RIT2: variants seen among roughly 807,000 people sequenced by gnomAD.
The protein encoded by RIT2 is GTP-binding protein Rit2.
RIT2 carries 24 observed loss-of-function variants against 23.7 expected under a neutral mutation model. The ratio of observed to expected loss-of-function variants is 1.01; its 90% CI spans 0.73 to 1.43. The LOEUF is 1.43. Among genes scored for constraint, RIT2 ranks in the 40% most tolerant of loss-of-function variants. RIT2 has a pLI of 0.00. For synonymous variants in RIT2, 107 were observed against 91.1 expected (o/e 1.17, Z -0.99); for missense variants, 236 against 266.9 (o/e 0.88, Z 0.81).
chr18:42,874,982 T>G (rs1203427522), intron 4 of RIT2, among the ~76,000 whole-genome samples: 1 of 152,080 alleles, frequency 6.6e-6, no homozygotes, highest in African/African-American at 2.4e-5. Flanking sequence ...GGTTTAAAGT[T>G]TATTTACATA....
chr18:43,056,783 A>T (rs918476663), intron 1 of RIT2, among the ~76,000 whole-genome samples: 3 of 152,108 alleles, frequency 2.0e-5, no homozygotes, highest in African/African-American at 7.2e-5. Flanking sequence ...ACAGTCAAGC[A>T]TTTCCTGGGC....
intron 4 of RIT2, among the ~76,000 whole-genome samples, chr18:42,890,258 C>T (rs972320484): frequency 6.6e-6 from 1 of 151,840 alleles, no homozygotes; most frequent in African/African-American, 2.4e-5. Context: ...GGACTATTCC[C>T]TATCATCATC....
At chr18:42,915,149 T>TACAC (rs1379501119) in intron 4 of RIT2, among the ~76,000 whole-genome samples, 1 of 81,930 alleles carries the variant, frequency 1.2e-5, no homozygotes. Context: ...TACATATAAT[T>TACAC]ATACACACAC....
At chr18:42,930,726 A>T in intron 3 of RIT2, among the ~76,000 whole-genome samples, 1 of 152,112 alleles carries the variant, frequency 6.6e-6, no homozygotes, top group East Asian at 1.9e-4. Flanking sequence ...AACCATCCAT[A>T]GATAACTGGA....
chr18:42,851,609 T>C (rs1907055778), intron 4 of RIT2, among the ~76,000 whole-genome samples: 1 of 152,162 alleles, frequency 6.6e-6, no homozygotes, highest in Admixed American at 6.5e-5. Flanking sequence ...CCCAGGACTT[T>C]GGGAGGTCGA....
At chr18:42,960,156 T>C (rs1310589867) in intron 3 of RIT2, among the ~76,000 whole-genome samples, 1 of 152,186 alleles carries the variant, frequency 6.6e-6, no homozygotes, top group Non-Finnish European at 1.5e-5. Context: ...CTCGGCATCA[T>C]CTTAGAAGAG....
chr18:43,110,190 CA>C (rs1278279206), intron 1 of RIT2, among the ~76,000 whole-genome samples: 2 of 151,834 alleles, frequency 1.3e-5, no homozygotes, highest in Non-Finnish European at 2.9e-5. Flanking sequence ...AATCTTAAAA[CA>C]TTATCATTAT....
At chr18:42,993,575 A>C (rs1456212133) in intron 2 of RIT2, among the ~76,000 whole-genome samples, 2 of 152,266 alleles carry the variant, frequency 1.3e-5, no homozygotes, top group South Asian at 4.1e-4. Context: ...TCTGGTGCCA[A>C]CTTAGACAAT....
chr18:42,820,833 G>A (rs1460407177), intron 4 of RIT2, among the ~76,000 whole-genome samples: 1 of 152,134 alleles, frequency 6.6e-6, no homozygotes, highest in Admixed American at 6.6e-5. Context: ...TAGTTTGGGT[G>A]TATGTCCCTT....
intron 4 of RIT2, among the ~76,000 whole-genome samples, chr18:42,791,594 G>GT (rs1914045164): frequency 6.6e-6 from 1 of 152,096 alleles, no homozygotes; most frequent in Non-Finnish European, 1.5e-5. Context: ...GAACAAGTCT[G>GT]TTTTTCTAAG....
chr18:42,805,964 C>T (rs962520954), intron 4 of RIT2, among the ~76,000 whole-genome samples: 4 of 151,890 alleles, frequency 2.6e-5, no homozygotes, highest in African/African-American at 9.7e-5. Flanking sequence ...CGAAAAAAGC[C>T]ACTCACCATT....
At chr18:42,855,875 C>G (rs1907167423) in intron 4 of RIT2, among the ~76,000 whole-genome samples, 1 of 152,132 alleles carries the variant, frequency 6.6e-6, no homozygotes, top group African/African-American at 2.4e-5. Flanking sequence ...ATAGATAACT[C>G]TGCTAGCTGA....
At chr18:43,057,707 C>T (rs1408958541) in intron 1 of RIT2, among the ~76,000 whole-genome samples, 1 of 151,774 alleles carries the variant, frequency 6.6e-6, no homozygotes, top group Non-Finnish European at 1.5e-5. Flanking sequence ...TTATAGTTTT[C>T]CATATTCCAC....
chr18:42,756,454 G>A (rs1163328741), intron 4 of RIT2, among the ~76,000 whole-genome samples: 1 of 152,122 alleles, frequency 6.6e-6, no homozygotes, highest in East Asian at 1.9e-4. Context: ...GTGTGCAGGG[G>A]GGAAAGGTTG....
intron 3 of RIT2, among the ~76,000 whole-genome samples, chr18:42,966,760 G>T (rs537159457): frequency 6.6e-6 from 1 of 152,148 alleles, no homozygotes; most frequent in East Asian, 1.9e-4. Flanking sequence ...ACAATCAATT[G>T]GGGCATTATA....
chr18:42,901,114 T>C (rs1568025430), intron 4 of RIT2, among the ~76,000 whole-genome samples: 1 of 152,150 alleles, frequency 6.6e-6, no homozygotes, highest in South Asian at 2.1e-4. Flanking sequence ...CAACTGCTCA[T>C]AGTATAAAGA....
intron 3 of RIT2, among the ~76,000 whole-genome samples, chr18:42,931,148 C>T (rs1307901213): frequency 6.6e-6 from 1 of 152,034 alleles, no homozygotes; most frequent in African/African-American, 2.4e-5. Context: ...GTGCCTGGAT[C>T]AAAGCCCAAA....
At chr18:42,751,544 GAT>G (rs1238329416) in intron 4 of RIT2, among the ~76,000 whole-genome samples, 3 of 151,870 alleles carry the variant, frequency 2.0e-5, no homozygotes, top group Admixed American at 1.3e-4. Context: ...TTGTTCGAAT[GAT>G]ATACAGCAAA....
intron 4 of RIT2, among the ~76,000 whole-genome samples, chr18:42,811,983 C>T (rs569355063): frequency 3.3e-5 from 5 of 152,080 alleles, no homozygotes; most frequent in South Asian, 2.1e-4. Context: ...CATGGGGCTA[C>T]GGGTACATAA....
Sources: gnomAD v4.1 joint callset for allele counts (sites outside exome capture counted in the v4.1 genomes callset) on GRCh38, gnomAD v4.1.1 for gene constraint, MANE v1.5 for transcripts, NCBI Gene and HGNC (gene_info 2026-07-23, HGNC 2026-07-21) for gene names.